Variants in RBM17 observed in about 807,000 individuals in gnomAD.
The protein encoded by RBM17 is splicing factor 45.
In RBM17, 7 loss-of-function variants were observed where a neutral mutation model predicts 53.2. That is an observed-to-expected ratio of 0.13 (90% confidence interval 0.07 to 0.25). RBM17 has a LOEUF of 0.25. RBM17 is among the 10% of genes least tolerant of loss of function. RBM17 has a pLI of 1.00. For synonymous variants in RBM17, 167 were observed against 178.1 expected (o/e 0.94, Z 0.50); for missense variants, 257 against 496.7 (o/e 0.52, Z 4.59).
intron 3 of RBM17, among the ~76,000 whole-genome samples, chr10:6,103,132 G>A (rs1433853845): frequency 1.3e-5 from 2 of 152,118 alleles, no homozygotes; most frequent in East Asian, 1.9e-4. Flanking sequence ...TATGTAATTA[G>A]GGTTATTTTC....
chr10:6,109,535 G>A (rs1320588088), intron 6 of RBM17, among the ~76,000 whole-genome samples: 3 of 152,138 alleles, frequency 2.0e-5, no homozygotes, highest in Non-Finnish European at 4.4e-5. Flanking sequence ...TGAAGCCACC[G>A]CTCCAGTGCG....
At chr10:6,096,832 A>G (rs544922181) in intron 1 of RBM17, 3 of 307,790 alleles carry the variant, frequency 9.7e-6, no homozygotes, top group Non-Finnish European at 1.8e-5. Context: ...GATCTTATAG[A>G]TGGAAAAATG....
At chr10:6,092,371 GAACA>G (rs746677726) in intron 1 of RBM17, among the ~76,000 whole-genome samples, 2 of 152,248 alleles carry the variant, frequency 1.3e-5, no homozygotes, top group East Asian at 1.9e-4. Context: ...GAGAATTAAT[GAACA>G]AACTATTGTA....
At chr10:6,115,050 G>A in intron 10 of RBM17, 189 bp from the exon 11 acceptor site, 1 of 588,954 alleles carries the variant, frequency 1.7e-6, no homozygotes, top group Non-Finnish European at 3.0e-6. Context: ...AACAATGCCT[G>A]TCATAAAAAC....
At chr10:6,115,387 T>C in intron 11 of RBM17, 66 bp from the exon 12 acceptor site, 1 of 1,536,188 alleles carries the variant, frequency 6.5e-7, no homozygotes, top group Admixed American at 1.7e-5. Flanking sequence ...AAAGTTACTG[T>C]TTAATTAAAG....
Position 6,112,356 on chromosome 10 carries a change from A to G in RBM17, c.851A>G (p.Glu284Gly). The part of the protein sequence containing the change: ...GGKIIVGDAT[E>G]KDASKKSDSN... Reference sequence around the variant, plus strand: ...AAGATCATCGTGGGCGACGCCACAGAGAAAGGTGTGTCCCCAGGGAAGCGT... The same window carrying G: ...AAGATCATCGTGGGCGACGCCACAGGGAAAGGTGTGTCCCCAGGGAAGCGT... The change falls in exon 8 of 12, where the codon GAG becomes GGG. Residue 284 changes from glutamate to glycine, a missense_variant. Coordinates refer to ENST00000379888, the MANE Select transcript of RBM17 (RefSeq NM_032905.5). This position sits in a 1 kb window ranked among gnomAD's most constrained non-coding sequence, Gnocchi z 4.4. 6.2e-7 allele frequency: 1 copy of G among 1,613,944 alleles called. No homozygotes were observed. The highest frequency in any genetic ancestry group is 8.5e-7 in the Non-Finnish European group (1 of 1,179,986).
chr10:6,103,955 G>A (rs554266984), intron 3 of RBM17, among the ~76,000 whole-genome samples: 1 of 152,246 alleles, frequency 6.6e-6, no homozygotes, highest in South Asian at 2.1e-4. Context: ...TTGTTGTTTT[G>A]CATGTGTGTT....
chr10:6,089,485 T>G lies in RBM17; in HGVS notation c.-19+292T>G, dbSNP rs185693865. On this transcript the variant is annotated intron_variant, in intron 1 of 11. Transcript: ENST00000379888. The surrounding 1 kb of genome is among the most constrained non-coding windows in gnomAD (Gnocchi z 5.6). The stretch of plus-strand genomic sequence containing the variant: ...CTCCTCATGTCTGCCTCGGGCTGTT[T>G]GGTGCTGAAGAGCGTTTCTTCTCCG... 7.5e-4 allele frequency: 115 copies of G among 153,806 alleles called. No individual in the cohort carries two copies. The highest frequency in any genetic ancestry group is 3.0e-3 in the Middle Eastern group (1 of 332). 9.5% of individuals were successfully genotyped at this position (153,806 alleles called of 1,614,324 possible).
chr10:6,102,524 T>C lies in RBM17; in HGVS notation c.240+1137T>C, dbSNP rs557438535. On this transcript the variant is annotated intron_variant, in intron 3 of 11. Transcript: ENST00000379888. Reference sequence around the variant, plus strand: ...GCTGATTCCTAGTCATTGAGCATTTTCCCCCATAAATTTGATACCTAGTTT... The same window carrying C: ...GCTGATTCCTAGTCATTGAGCATTTCCCCCCATAAATTTGATACCTAGTTT... 2.6e-5 allele frequency among the ~76,000 whole-genome samples: 4 copies of C among 152,302 alleles called. No homozygotes were observed. The East Asian group carries it at 5.8e-4, about 22-fold the overall frequency.
In RBM17 at chr10:6,092,916, C is replaced by T. The variant is rs77782253; in HGVS notation, c.-19+3723C>T. ...CCTGATGATTTCTGAAACTTTTGCG[C>T]AATGCAGCAAATCAACTGGAATTGT... On this transcript the variant is annotated intron_variant, in intron 1 of 11. Transcript: ENST00000379888. 5.3e-3 allele frequency among the ~76,000 whole-genome samples: 807 copies of T among 152,280 alleles called. 5 individuals are homozygous for T. Among genetic ancestry groups the T allele is most frequent in the African/African-American group, 0.018 (740 of 41,540 alleles).
At chr10:6,092,590 G>GA (rs1400246032) in intron 1 of RBM17, among the ~76,000 whole-genome samples, 3 of 152,184 alleles carry the variant, frequency 2.0e-5, no homozygotes, top group African/African-American at 7.2e-5. Flanking sequence ...TTTGGGTGGT[G>GA]AATTCACAGG....
chr10:6,115,363 T>C, intron 11 of RBM17, 52 bp downstream of exon 11: 1 of 1,541,278 alleles, frequency 6.5e-7, no homozygotes, highest in Non-Finnish European at 9.0e-7. Flanking sequence ...TTTACAGCCT[T>C]AATCTTTACA....
At position 6,109,966 on chromosome 10, in the gene RBM17, A is replaced by G; in HGVS notation, c.563-20A>G. The G allele has an allele frequency of 6.3e-7, 1 of 1,590,066 alleles. No individual in the cohort carries two copies. Among genetic ancestry groups the G allele is most frequent in the South Asian group, 1.1e-5 (1 of 87,434 alleles). On this transcript the variant is annotated intron_variant, in intron 6 of 11. Coordinates refer to ENST00000379888, the MANE Select transcript of RBM17 (RefSeq NM_032905.5). ...TTTTCTATAGTATTTTGGTGAGCCTACTTTATTTTTCTCCAATAGTACCCC... is the reference window on the plus strand; with the variant it reads ...TTTTCTATAGTATTTTGGTGAGCCTGCTTTATTTTTCTCCAATAGTACCCC...
intron 6 of RBM17, among the ~76,000 whole-genome samples, chr10:6,109,574 G>A (rs1840806126): frequency 1.3e-5 from 2 of 152,142 alleles, no homozygotes; most frequent in African/African-American, 2.4e-5. Flanking sequence ...ACCTTTGTGG[G>A]CCATGAGCTG....
chr10:6,106,827 C>G (rs1348300512), intron 5 of RBM17, among the ~76,000 whole-genome samples: 6 of 151,994 alleles, frequency 3.9e-5, no homozygotes, highest in Admixed American at 1.3e-4. Flanking sequence ...AATGAGAAGA[C>G]TTTGTTTGAC....
chr10:6,114,329 CA>C, intron 10 of RBM17, 182 bp downstream of exon 10: 1 of 463,296 alleles, frequency 2.2e-6, no homozygotes, highest in South Asian at 2.3e-5. Flanking sequence ...ACAATGATTT[CA>C]AGTTTTATTT....
At position 6,115,555 on chromosome 10, in the gene RBM17, G is replaced by T; in HGVS notation, c.1205G>T (p.Ter402LeuextTer2). The change falls in exon 12 of 12, where the codon TGA becomes TTA. Residue 402 changes from the stop codon to leucine (L), a stop_lost. Transcript: ENST00000379888. ...GTCTTGGATTTGGCAGAACAAGTTT[G>T]ATTTTAAGAACTAGAGCACGAGTCA... ...FRVLDLAEQV[*>L] 1 of 1,591,270 alleles carries T rather than the reference G, an allele frequency of 6.3e-7. No individual in the cohort carries two copies. Among genetic ancestry groups the T allele is most frequent in the South Asian group, 1.1e-5 (1 of 90,596 alleles).
intron 3 of RBM17, among the ~76,000 whole-genome samples, chr10:6,102,998 C>T (rs11256763): frequency 0.039 from 5,930 of 152,200 alleles, 206 homozygotes; most frequent in African/African-American, 0.097. Context: ...CACCATGTTG[C>T]CCAGGCTAGT....
At chr10:6,106,999 A>C (rs1004357180) in intron 5 of RBM17, among the ~76,000 whole-genome samples, 5 of 152,212 alleles carry the variant, frequency 3.3e-5, no homozygotes, top group African/African-American at 1.2e-4. Flanking sequence ...AGAATCAGTA[A>C]TCACTCTAGG....
Sources: allele counts gnomAD v4.1 joint callset (sites outside exome capture counted in the v4.1 genomes callset), GRCh38; gene constraint gnomAD v4.1.1; non-coding constraint Gnocchi (gnomAD v3.1); transcripts MANE v1.5; gene names NCBI Gene and HGNC (gene_info 2026-07-23, HGNC 2026-07-21).